Variants in GPATCH2L observed in about 807,000 individuals in gnomAD.
The protein encoded by GPATCH2L is G patch domain-containing protein 2-like.
GPATCH2L carries 31 observed loss-of-function variants against 57.4 expected under a neutral mutation model. The ratio of observed to expected loss-of-function variants is 0.54; its 90% CI spans 0.41 to 0.73. GPATCH2L has a LOEUF of 0.73. Among genes scored for constraint, GPATCH2L ranks in the 30% least tolerant of loss-of-function variants. The pLI is 0.00. For missense variants in GPATCH2L, 481 were observed against 599.9 expected (o/e 0.80, Z 2.07); for synonymous variants, 199 against 210.7 (o/e 0.94, Z 0.48).
At chr14:76,175,389 A>T (rs1354551601) in intron 5 of GPATCH2L, 1 of 73,100 alleles carries the variant, frequency 1.4e-5, no homozygotes, top group Non-Finnish European at 2.7e-5. Context: ...CCCCTCCCCC[A>T]TCTCTCTTCT....
chr14:76,161,553 A>G (rs1249995489), intron 2 of GPATCH2L, among the ~76,000 whole-genome samples: 3 of 152,218 alleles, frequency 2.0e-5, no homozygotes, highest in Non-Finnish European at 4.4e-5. Flanking sequence ...AGAATTAGCA[A>G]GCTCTCAGAT....
chr14:76,196,143 C>T (rs1257927723), intron 9 of GPATCH2L, 171 bp downstream of exon 9: 1 of 710,302 alleles, frequency 1.4e-6, no homozygotes, highest in East Asian at 2.7e-5. Flanking sequence ...CTTGCTGACT[C>T]TGAAGTCTGT....
intron 1 of GPATCH2L, among the ~76,000 whole-genome samples, chr14:76,226,354 A>G (rs908342946): frequency 1.3e-5 from 2 of 152,236 alleles, no homozygotes; most frequent in South Asian, 2.1e-4. Flanking sequence ...AAAGATGAGA[A>G]TACATTGTAT....
At chr14:76,184,175 G>T (rs2039684137) in intron 8 of GPATCH2L, among the ~76,000 whole-genome samples, 1 of 151,992 alleles carries the variant, frequency 6.6e-6, no homozygotes, top group Admixed American at 6.6e-5. Context: ...TTGCTGTATT[G>T]CCTCCTGGCT....
rs80235011 is a variant in GPATCH2L at position 76,223,645 on chromosome 14, G to A, written c.66-6163G>A. Among the ~76,000 whole-genome samples, 279 of 152,166 alleles carry A rather than the reference G, an allele frequency of 1.8e-3. 13 individuals are homozygous for A. The East Asian group carries it at 0.049, about 27-fold the overall frequency. ...GACACTGTCAAGAAGATGAAACGAC[G>A]ACCACAGAATGGGAGAAAATATTTG... is the stretch of plus-strand genomic sequence containing the variant. On this transcript the variant is annotated intron_variant and NMD_transcript_variant, in intron 1 of 3. Transcript: ENST00000556372.
intron 8 of GPATCH2L, among the ~76,000 whole-genome samples, chr14:76,186,829 G>T (rs1351310056): frequency 6.6e-6 from 1 of 152,128 alleles, no homozygotes; most frequent in African/African-American, 2.4e-5. Flanking sequence ...GCTCTTATGG[G>T]CGGCATGAAA....
chr14:76,215,126 A>G (rs1025253590), downstream of GPATCH2L, among the ~76,000 whole-genome samples: 2 of 152,222 alleles, frequency 1.3e-5, no homozygotes, highest in African/African-American at 4.8e-5. Flanking sequence ...AGAAGTAAAA[A>G]ATGACAGACA....
chr14:76,154,340 C>T lies in GPATCH2L; in HGVS notation c.-10-14C>T, dbSNP rs747420797. 1 of 1,528,422 alleles carries T rather than the reference C, an allele frequency of 6.5e-7. No individual in the cohort carries two copies. Among genetic ancestry groups the T allele is most frequent in the South Asian group, 1.2e-5 (1 of 80,802 alleles). The allele number at this position is 1,528,422 out of a possible 1,614,324, so 94.7% of individuals were successfully genotyped here. On this transcript the variant is annotated splice_polypyrimidine_tract_variant and intron_variant, in intron 1 of 9. Coordinates refer to ENST00000261530, the MANE Select transcript of GPATCH2L (RefSeq NM_017926.4). The surrounding 1 kb of genome is among the most constrained non-coding windows in gnomAD (Gnocchi z 4.4). ...TTTCTTTCTTTCTTTTTTTCCTAAACTTCCTTTTGGCAGATGTGGCCTCAT... is the reference window on the plus strand; with the variant it reads ...TTTCTTTCTTTCTTTTTTTCCTAAATTTCCTTTTGGCAGATGTGGCCTCAT...
chr14:76,158,861 T>C, intron 2 of GPATCH2L, among the ~76,000 whole-genome samples: 1 of 152,222 alleles, frequency 6.6e-6, no homozygotes, highest in South Asian at 2.1e-4. Context: ...GAGGTCGATA[T>C]GATACTATTG....
intron 8 of GPATCH2L, among the ~76,000 whole-genome samples, chr14:76,192,354 C>T (rs1174240666): frequency 1.3e-5 from 2 of 151,976 alleles, no homozygotes; most frequent in Non-Finnish European, 2.9e-5. Context: ...TCTCTTCTTC[C>T]CTCCCCAAAT....
At chr14:76,226,210 C>T (rs2040535726) in intron 1 of GPATCH2L, among the ~76,000 whole-genome samples, 1 of 152,144 alleles carries the variant, frequency 6.6e-6, no homozygotes, top group South Asian at 2.1e-4. Flanking sequence ...GATACCAACA[C>T]CCATCAACAG....
At chr14:76,175,912 A>G (rs1385649973) in intron 5 of GPATCH2L, 1 of 152,194 alleles carries the variant, frequency 6.6e-6, no homozygotes, top group East Asian at 1.9e-4. Context: ...GTAGGTAAGC[A>G]TTGTGAATGT....
chr14:76,225,392 C>T (rs1162902671), intron 1 of GPATCH2L, among the ~76,000 whole-genome samples: 1 of 152,000 alleles, frequency 6.6e-6, no homozygotes, highest in African/African-American at 2.4e-5. Flanking sequence ...GGTGCTGACT[C>T]AGTTGGATAT....
At position 76,171,889 on chromosome 14, in the gene GPATCH2L, A is replaced by G. The variant is rs369621956; in HGVS notation, c.774A>G (p.Pro258=). ...SDWFYEGECV[P]GFTVPNLLPK... Reference sequence around the variant, plus strand: ...GGTTCTATGAAGGAGAATGTGTCCCAGGATTCACTGTCCCTAATCTTCTGC... The same window carrying G: ...GGTTCTATGAAGGAGAATGTGTCCCGGGATTCACTGTCCCTAATCTTCTGC... Residue 258 remains proline, a synonymous_variant, in exon 4 of 10, where the codon CCA becomes CCG. Transcript: ENST00000261530. The G allele has an allele frequency of 1.3e-5, 21 of 1,609,488 alleles. No individual in the cohort carries two copies. The African/African-American group carries it at 2.5e-4, about 19-fold the overall frequency.
intron 2 of GPATCH2L, among the ~76,000 whole-genome samples, chr14:76,231,828 A>G (rs992206517): frequency 6.6e-6 from 1 of 152,220 alleles, no homozygotes; most frequent in Non-Finnish European, 1.5e-5. Context: ...TGAATTCTAC[A>G]TGTATATAGT....
chr14:76,194,233 A>G (rs535583362), intron 8 of GPATCH2L, among the ~76,000 whole-genome samples: 2 of 152,306 alleles, frequency 1.3e-5, no homozygotes, highest in East Asian at 3.9e-4. Flanking sequence ...TTAGCTATTT[A>G]GAATTAACTA....
chr14:76,216,748 G>A (rs989229008), downstream of GPATCH2L, among the ~76,000 whole-genome samples: 9 of 152,004 alleles, frequency 5.9e-5, no homozygotes, highest in Non-Finnish European at 1.3e-4. Flanking sequence ...TTTTAAGAGA[G>A]CACTTGGTAG....
At chr14:76,196,230 T>C (rs1399347422) in intron 9 of GPATCH2L, 3 of 618,464 alleles carry the variant, frequency 4.9e-6, no homozygotes, top group Non-Finnish European at 8.6e-6. Context: ...TCATCTGAGC[T>C]TTTGTTTTAG....
chr14:76,230,442 C>T (rs1276459950), intron 2 of GPATCH2L: 2 of 151,922 alleles, frequency 1.3e-5, no homozygotes, highest in Non-Finnish European at 2.9e-5. Flanking sequence ...TGGGCCTCAG[C>T]TTCCTCAACT....
Sources: gnomAD v4.1 joint callset for allele counts (sites outside exome capture counted in the v4.1 genomes callset) on GRCh38, gnomAD v4.1.1 for gene constraint, Gnocchi (gnomAD v3.1) non-coding constraint, MANE v1.5 for transcripts, NCBI Gene and HGNC (gene_info 2026-07-23, HGNC 2026-07-21) for gene names.